Variants in PLEKHM3 observed in about 807,000 individuals in gnomAD.
PLEKHM3 encodes the protein pleckstrin homology domain containing M3, also known as pleckstrin homology domain-containing family M member 3.
Under a neutral mutation model 81.8 loss-of-function variants are expected in PLEKHM3, and 45 were observed. The ratio of observed to expected loss-of-function variants is 0.55; its 90% CI spans 0.43 to 0.71. The LOEUF (loss-of-function observed/expected upper bound fraction) is 0.71, where lower values mean the gene tolerates loss of function less well. PLEKHM3 is among the 30% of genes least tolerant of loss of function. The pLI is 0.00. For missense variants in PLEKHM3, 788 were observed against 924.3 expected (o/e 0.85, Z 1.91); for synonymous variants, 352 against 356.4 (o/e 0.99, Z 0.14).
At chr2:207,851,740 C>CAAAAAAAAAAAAAAAAAAAAA (rs10605219) in intron 7 of PLEKHM3, 8 of 64,310 alleles carry the variant, frequency 1.2e-4, no homozygotes, top group African/African-American at 3.7e-4. Flanking sequence ...AACTCCATCT[C>CAAAAAAAAAAAAAAAAAAAAA]AAAAAAAAAA....
At chr2:208,022,713 G>C (rs947005411) in intron 1 of PLEKHM3, among the ~76,000 whole-genome samples, 2 of 152,178 alleles carry the variant, frequency 1.3e-5, no homozygotes, top group Non-Finnish European at 2.9e-5. Flanking sequence ...TTCCCAGACA[G>C]AGAAAGCTCC....
At chr2:207,872,104 C>A (rs1024446674) in intron 6 of PLEKHM3, among the ~76,000 whole-genome samples, 4 of 152,190 alleles carry the variant, frequency 2.6e-5, no homozygotes, top group Non-Finnish European at 5.9e-5. Flanking sequence ...TTAGTGACAA[C>A]TTCTGACTCA....
chr2:207,865,801 A>AAAAAAAAAAAAAAAATATATAT lies in PLEKHM3; in HGVS notation c.1951-4540_1951-4539insATATATATTTTTTTTTTTTTTT. ...CGACTCAAAAAAAAAAAAAAAAAAAAAGATATATATATATATATATATATA... is the reference window on the plus strand; with the variant it reads ...CGACTCAAAAAAAAAAAAAAAAAAAAAAAAAAAAAAAAAAATATATATAGATATATATATATATATATATATA... On this transcript the variant is annotated intron_variant, in intron 6 of 7. Coordinates refer to ENST00000427836, the MANE Select transcript of PLEKHM3 (RefSeq NM_001080475.3). 2.4e-4 allele frequency among the ~76,000 whole-genome samples: 6 copies of AAAAAAAAAAAAAAAATATATAT among 25,288 alleles called. 3 individuals carry two copies. The highest frequency in any genetic ancestry group is 4.5e-4 in the Non-Finnish European group (6 of 13,196). 16.6% of individuals were successfully genotyped at this position (25,288 alleles called of 152,430 possible). A position where few individuals can be genotyped will look rare whatever the true frequency, so the allele number is the denominator to read the frequency against.
At chr2:207,853,374 G>A (rs536633104) in intron 7 of PLEKHM3, among the ~76,000 whole-genome samples, 26 of 150,174 alleles carry the variant, frequency 1.7e-4, no homozygotes, top group Admixed American at 2.7e-4. Flanking sequence ...CTGAGATCAC[G>A]CCATTGCACT....
chr2:207,983,051 A>ATTT lies in PLEKHM3; in HGVS notation c.611-5468_611-5466dup, dbSNP rs3057253. 2.0e-4 allele frequency among the ~76,000 whole-genome samples: 26 copies of ATTT among 130,090 alleles called. 1 individual carries two copies. Among genetic ancestry groups the ATTT allele is most frequent in the South Asian group, 7.4e-4 (3 of 4,060 alleles). The allele number at this position is 130,090 out of a possible 152,430, so 85.3% of individuals were successfully genotyped here. A position where few individuals can be genotyped will look rare whatever the true frequency, so the allele number is the denominator to read the frequency against. On this transcript the variant is annotated intron_variant, in intron 2 of 7. Transcript: ENST00000427836. Reference sequence around the variant, plus strand: ...TGGGGGAGTCAAATATTAAACATGGATTTTTTTTTTTTTTTTTTGAGACGG... The same window carrying ATTT: ...TGGGGGAGTCAAATATTAAACATGGATTTTTTTTTTTTTTTTTTTTTGAGACGG...
At chr2:207,933,104 G>A (rs984233382) in intron 4 of PLEKHM3, among the ~76,000 whole-genome samples, 6 of 152,140 alleles carry the variant, frequency 3.9e-5, no homozygotes, top group African/African-American at 1.4e-4. Flanking sequence ...CAGAGTTAGA[G>A]TTACAGAATT....
intron 7 of PLEKHM3, among the ~76,000 whole-genome samples, chr2:207,855,411 TA>T (rs911866591): frequency 7.3e-5 from 11 of 151,716 alleles, no homozygotes; most frequent in African/African-American, 2.4e-4. Flanking sequence ...AATAAACAAC[TA>T]AAAAAAATAA....
chr2:207,918,432 G>A (rs935732598), intron 5 of PLEKHM3, among the ~76,000 whole-genome samples: 3 of 152,182 alleles, frequency 2.0e-5, no homozygotes, highest in Non-Finnish European at 2.9e-5. Context: ...TGAGGCAGGA[G>A]AATGGCATGA....
At position 207,843,530 on chromosome 2, in the gene PLEKHM3, C is replaced by T. The variant is rs866293386; in HGVS notation, c.2109-15034G>A. On this transcript the variant is annotated intron_variant, in intron 7 of 7. Coordinates refer to ENST00000427836, the MANE Select transcript of PLEKHM3 (RefSeq NM_001080475.3). This position sits in a 1 kb window ranked among gnomAD's most constrained non-coding sequence, Gnocchi z 4.4. The stretch of plus-strand genomic sequence containing the variant: ...CTTTGACATTCACATCATTTCTGTC[C>T]CTAAGCCCCTGAGCTGGTGCTTATT... 6.6e-6 allele frequency among the ~76,000 whole-genome samples: 1 copy of T among 152,108 alleles called. No individual in the cohort carries two copies. The highest frequency in any genetic ancestry group is 2.1e-4 in the South Asian group (1 of 4,816).
At chr2:207,857,234 C>A (rs1183763739) in intron 7 of PLEKHM3, among the ~76,000 whole-genome samples, 1 of 152,196 alleles carries the variant, frequency 6.6e-6, no homozygotes, top group Non-Finnish European at 1.5e-5. Flanking sequence ...TCTATTCATA[C>A]ATTAAGGATT....
intron 1 of PLEKHM3, among the ~76,000 whole-genome samples, chr2:208,007,070 C>T (rs11683381): frequency 1.5e-3 from 229 of 152,278 alleles, no homozygotes; most frequent in South Asian, 5.2e-3. Flanking sequence ...ACGGTAAAAG[C>T]GCTGACTTCC....
chr2:207,999,536 T>C lies in PLEKHM3; in HGVS notation c.610+1494A>G, dbSNP rs557239185. Reference sequence around the variant, plus strand: ...TGGGAGGATCCCATGAGCCAAGAGTTTGAGGCTGCAATGAGCTACAATTAC... The same window carrying C: ...TGGGAGGATCCCATGAGCCAAGAGTCTGAGGCTGCAATGAGCTACAATTAC... On this transcript the variant is annotated intron_variant, in intron 2 of 7. Coordinates refer to ENST00000427836, the MANE Select transcript of PLEKHM3 (RefSeq NM_001080475.3). 2.0e-5 allele frequency among the ~76,000 whole-genome samples: 3 copies of C among 152,236 alleles called. No homozygotes were observed. In the South Asian group the frequency reaches 6.2e-4, roughly 32 times the overall value.
intron 3 of PLEKHM3, among the ~76,000 whole-genome samples, chr2:207,958,450 CT>C (rs1397260312): frequency 6.6e-6 from 1 of 152,174 alleles, no homozygotes; most frequent in African/African-American, 2.4e-5. Context: ...TGACCTCCCT[CT>C]TTCTCTATCA....
intron 2 of PLEKHM3, among the ~76,000 whole-genome samples, chr2:207,980,634 T>A (rs923206928): frequency 1.3e-5 from 2 of 152,158 alleles, no homozygotes; most frequent in South Asian, 2.1e-4. Context: ...AATGGCGTTA[T>A]CATGACTCAC....
intron 7 of PLEKHM3, among the ~76,000 whole-genome samples, chr2:207,841,480 AATATATATATATAT>A (rs769138417): frequency 1.1e-4 from 4 of 37,452 alleles, no homozygotes; most frequent in African/African-American, 2.5e-4. Context: ...AAAAAAAAAA[AATATATATATATAT>A]ATATATATAT....
chr2:207,971,471 A>C (rs1430284636), intron 3 of PLEKHM3, among the ~76,000 whole-genome samples: 2 of 152,104 alleles, frequency 1.3e-5, no homozygotes, highest in African/African-American at 4.8e-5. Flanking sequence ...TGGATATGCT[A>C]ATTACCCTGA....
chr2:207,917,678 C>T (rs1485638340), intron 5 of PLEKHM3, among the ~76,000 whole-genome samples: 2 of 151,792 alleles, frequency 1.3e-5, no homozygotes, highest in Admixed American at 6.6e-5. Flanking sequence ...TCTGTCTCTA[C>T]AAAAACAAAA....
intron 7 of PLEKHM3, chr2:207,852,680 C>A: frequency 2.6e-6 from 1 of 387,080 alleles, no homozygotes; most frequent in Non-Finnish European, 5.0e-6. Context: ...GAACAACAGA[C>A]ACTGGGTACT....
intron 7 of PLEKHM3, among the ~76,000 whole-genome samples, chr2:207,830,619 A>G (rs2092281120): frequency 7.7e-6 from 1 of 130,384 alleles, no homozygotes; most frequent in Admixed American, 8.0e-5. Flanking sequence ...AAAAAAAAAA[A>G]AAAGATTAAA....
Sources: gnomAD v4.1 joint callset for allele counts (sites outside exome capture counted in the v4.1 genomes callset) on GRCh38, gnomAD v4.1.1 for gene constraint, Gnocchi (gnomAD v3.1) non-coding constraint, MANE v1.5 for transcripts, NCBI Gene and HGNC (gene_info 2026-07-23, HGNC 2026-07-21) for gene names.